Variants in RBPJ observed in about 807,000 individuals in gnomAD.
The protein encoded by RBPJ is recombining binding protein suppressor of hairless.
RBPJ carries 9 observed loss-of-function variants against 67.8 expected under a neutral mutation model. That is an observed-to-expected ratio of 0.13 (90% CI 0.08 to 0.23). The LOEUF is 0.23. Ranked by LOEUF, RBPJ falls within the 10% of genes least tolerant of loss-of-function variation. The probability of loss-of-function intolerance (pLI) is 1.00; values close to 1 mark genes in which losing one functional copy is unlikely to be tolerated. For missense variants in RBPJ, 305 were observed against 595.6 expected, an observed-to-expected ratio of 0.51 and a Z score of 5.08; for synonymous variants, 198 against 203.3, an observed-to-expected ratio of 0.97 and a Z score of 0.22.
At chr4:26,297,397 A>G (rs1394898084) in intron 1 of RBPJ, among the ~76,000 whole-genome samples, 2 of 151,572 alleles carry the variant, frequency 1.3e-5, no homozygotes, top group African/African-American at 4.9e-5. Context: ...ACAGAGAGAG[A>G]CGGTGTATGG....
At chr4:26,147,578 G>A in the RBPJ span, among the ~76,000 whole-genome samples, 11,903 of 152,198 alleles carry the variant, frequency 0.078, 538 homozygotes, top group Middle Eastern at 0.099. Flanking sequence ...TTCAGAGAGT[G>A]AAACTCCCAA....
chr4:26,318,900 G>A (rs1722760187), upstream of RBPJ, among the ~76,000 whole-genome samples: 1 of 151,310 alleles, frequency 6.6e-6, no homozygotes, highest in African/African-American at 2.4e-5. Flanking sequence ...AGGAGGCTGC[G>A]GCAGGAGAAT....
At chr4:26,380,618 A>T (rs1468390269) in intron 1 of RBPJ, among the ~76,000 whole-genome samples, 1 of 152,084 alleles carries the variant, frequency 6.6e-6, no homozygotes, top group African/African-American at 2.4e-5. Context: ...CCTTGGGGGT[A>T]TGGATCAGGT....
upstream of RBPJ, among the ~76,000 whole-genome samples, chr4:26,319,508 G>C (rs1460809167): frequency 2.0e-5 from 3 of 151,572 alleles, no homozygotes; most frequent in Non-Finnish European, 2.9e-5. Context: ...CCGCCTCCCG[G>C]GCACGCGCTG....
chr4:26,254,614 A>G lies in RBPJ; in HGVS notation c.-167+91000A>G, dbSNP rs1323596587. 4.0e-5 allele frequency among the ~76,000 whole-genome samples: 6 copies of G among 148,576 alleles called. 1 individual carries two copies. Among genetic ancestry groups the G allele is most frequent in the African/African-American group, 1.6e-4 (6 of 38,060 alleles). ...GTTTTTTTAATGCTATGTAAATGCT[A>G]TACATGCTACGTGAATGTTATCGAT... On this transcript the variant is annotated intron_variant, in intron 1 of 4. Transcript: ENST00000512351.
At chr4:26,142,227 C>G in the RBPJ span, among the ~76,000 whole-genome samples, 1 of 152,208 alleles carries the variant, frequency 6.6e-6, no homozygotes, top group African/African-American at 2.4e-5. Context: ...GGCAGCTGGG[C>G]AGCTGGCTGA....
At chr4:26,120,747 G>A in the RBPJ span, among the ~76,000 whole-genome samples, 1 of 111,492 alleles carries the variant, frequency 9.0e-6, no homozygotes, top group African/African-American at 3.6e-5. Context: ...TTGCACACTG[G>A]AAAATAAGCA....
chr4:26,164,345 G>A (rs1716182409), intron 1 of RBPJ, among the ~76,000 whole-genome samples: 1 of 152,104 alleles, frequency 6.6e-6, no homozygotes, highest in Admixed American at 6.5e-5. Context: ...ACATACACTT[G>A]TACACCTATA....
intron 1 of RBPJ, among the ~76,000 whole-genome samples, chr4:26,202,925 AAAAGAGAG>A (rs1347828191): frequency 6.7e-6 from 1 of 149,646 alleles, no homozygotes; most frequent in Non-Finnish European, 1.5e-5. Flanking sequence ...AAAAAAAAGA[AAAAGAGAG>A]AAAGAGAGAA....
chr4:26,407,883 C>CTTTTTTTTTTTT lies in RBPJ; in HGVS notation c.155+1631_155+1642dup, dbSNP rs61575988. ...TGAAAAGAGGGGTAAAGCTTTCTTTCTTTTTTTTTTTTTTTTTTTTTTTTT... is the reference window on the plus strand; with the variant it reads ...TGAAAAGAGGGGTAAAGCTTTCTTTCTTTTTTTTTTTTTTTTTTTTTTTTTTTTTTTTTTTTT... On this transcript the variant is annotated intron_variant, in intron 3 of 10. Coordinates refer to ENST00000355476, the MANE Select transcript of RBPJ (RefSeq NM_015874.6). Among the ~76,000 whole-genome samples the CTTTTTTTTTTTT allele has an allele frequency of 5.2e-4, 33 of 63,622 alleles. 3 individuals are homozygous for CTTTTTTTTTTTT. The highest frequency in any genetic ancestry group is 2.1e-3 in the African/African-American group (32 of 15,112). 41.7% of individuals were successfully genotyped at this position (63,622 alleles called of 152,430 possible).
intron 1 of RBPJ, among the ~76,000 whole-genome samples, chr4:26,285,678 TAAAA>T (rs545484809): frequency 4.2e-5 from 4 of 96,282 alleles, no homozygotes; most frequent in Admixed American, 2.3e-4. Flanking sequence ...ACTGATACGT[TAAAA>T]AAAAAAAAAA....
At chr4:26,178,809 T>C (rs984713777) in intron 1 of RBPJ, among the ~76,000 whole-genome samples, 5 of 151,562 alleles carry the variant, frequency 3.3e-5, no homozygotes, top group Admixed American at 2.0e-4. Context: ...TGCTTGCTGA[T>C]TTAGTTAATA....
intron 1 of RBPJ, among the ~76,000 whole-genome samples, chr4:26,334,206 A>G (rs1296913296): frequency 1.4e-4 from 21 of 151,720 alleles, no homozygotes; most frequent in Non-Finnish European, 2.8e-4. Flanking sequence ...ATGCCCAGCT[A>G]ATTTTTGTAT....
At chr4:26,118,321 A>G in the RBPJ span, among the ~76,000 whole-genome samples, 3 of 152,314 alleles carry the variant, frequency 2.0e-5, no homozygotes, top group East Asian at 5.8e-4. Context: ...AGAACTAAAG[A>G]ATCTCTTTGG....
rs142919204 is a variant in RBPJ, at chr4:26,195,068, T to A, written c.-167+31454T>A. Among the ~76,000 whole-genome samples, 189 of 152,336 alleles carry A rather than the reference T, an allele frequency of 1.2e-3. 3 individuals carry two copies. The highest frequency in any genetic ancestry group is 4.4e-3 in the African/African-American group (184 of 41,578). ...ATTTATAAATGAATACGTGTTTATC[T>A]GGGAGATTAATAAAAACTAGAGCCA... On this transcript the variant is annotated intron_variant, in intron 1 of 4. Coordinates refer to the RBPJ transcript ENST00000512351.
At chr4:26,280,643 T>G (rs1721245682) in intron 1 of RBPJ, among the ~76,000 whole-genome samples, 1 of 152,000 alleles carries the variant, frequency 6.6e-6, no homozygotes, top group African/African-American at 2.4e-5. Flanking sequence ...TAGACAAGAG[T>G]GATGGTTGCA....
At chr4:26,263,312 C>A (rs143867234) in intron 1 of RBPJ, among the ~76,000 whole-genome samples, 6 of 139,938 alleles carry the variant, frequency 4.3e-5, no homozygotes, top group South Asian at 2.7e-4. Context: ...ACCACCCAGC[C>A]CCCCCGCCCC....
chr4:26,262,375 T>C (rs1197373604), intron 1 of RBPJ, among the ~76,000 whole-genome samples: 1 of 152,230 alleles, frequency 6.6e-6, no homozygotes, highest in African/African-American at 2.4e-5. Context: ...ACACCCGGCT[T>C]TTATCCTAAG....
chr4:26,304,702 A>G (rs950650444), intron 1 of RBPJ, among the ~76,000 whole-genome samples: 1 of 151,720 alleles, frequency 6.6e-6, no homozygotes, highest in East Asian at 1.9e-4. Flanking sequence ...TCTTTTTATT[A>G]TTCAGTTTTA....
Sources: gnomAD v4.1 joint callset for allele counts (sites outside exome capture counted in the v4.1 genomes callset) on GRCh38, gnomAD v4.1.1 for gene constraint, MANE v1.5 for transcripts, NCBI Gene and HGNC (gene_info 2026-07-23, HGNC 2026-07-21) for gene names.